CWC27: variants seen among roughly 807,000 people sequenced by gnomAD.
The protein encoded by CWC27 is spliceosome-associated protein CWC27 homolog.
Under a neutral mutation model 63.6 loss-of-function variants are expected in CWC27, and 47 were observed. The ratio of observed to expected loss-of-function variants is 0.74; its 90% CI spans 0.58 to 0.94. The LOEUF (loss-of-function observed/expected upper bound fraction) is 0.94. Ranked by LOEUF, CWC27 falls within the 40% of genes least tolerant of loss-of-function variation. The pLI is 0.00. For synonymous variants in CWC27, 175 were observed against 179.8 expected (o/e 0.97, Z 0.22); for missense variants, 495 against 554.3 (o/e 0.89, Z 1.07).
chr5:64,985,754 A>G (rs2112453737), intron 13 of CWC27, among the ~76,000 whole-genome samples: 1 of 152,170 alleles, frequency 6.6e-6, no homozygotes, highest in Middle Eastern at 3.4e-3. Flanking sequence ...TTTTTGCTCT[A>G]CTGCTCTGGC....
At chr5:64,917,709 A>C (rs1321295031) in intron 11 of CWC27, among the ~76,000 whole-genome samples, 1 of 152,132 alleles carries the variant, frequency 6.6e-6, no homozygotes, top group Non-Finnish European at 1.5e-5. Flanking sequence ...TTGAACTGGG[A>C]CATTTGTTTC....
intron 11 of CWC27, among the ~76,000 whole-genome samples, chr5:64,953,984 T>TA (rs1314683736): frequency 1.3e-5 from 2 of 152,220 alleles, no homozygotes; most frequent in Non-Finnish European, 2.9e-5. Context: ...CATTTTCCAC[T>TA]AAAAAATTCC....
At chr5:64,774,574 T>G (rs1189837898) in intron 1 of CWC27, 117 bp from the exon 2 acceptor site, 1 of 537,032 alleles carries the variant, frequency 1.9e-6, no homozygotes, top group African/African-American at 2.0e-5. Context: ...CCAAACACAA[T>G]TTTTAATATT....
chr5:64,972,962 C>T (rs1485039420), intron 12 of CWC27, among the ~76,000 whole-genome samples: 2 of 152,082 alleles, frequency 1.3e-5, no homozygotes, highest in Non-Finnish European at 2.9e-5. Context: ...AACAGAGGGG[C>T]CTTACATGGC....
chr5:64,931,086 C>T (rs1580733028), intron 11 of CWC27, among the ~76,000 whole-genome samples: 2 of 152,176 alleles, frequency 1.3e-5, no homozygotes, highest in East Asian at 3.9e-4. Flanking sequence ...GGTTGGGGAA[C>T]TTGACACAAT....
At chr5:64,825,464 T>C (rs1745333205) in intron 10 of CWC27, among the ~76,000 whole-genome samples, 1 of 152,206 alleles carries the variant, frequency 6.6e-6, no homozygotes, top group South Asian at 2.1e-4. Flanking sequence ...CCTTGAGATA[T>C]ATGTTTACAT....
chr5:64,983,520 G>T (rs1749365205), intron 13 of CWC27, among the ~76,000 whole-genome samples: 1 of 152,218 alleles, frequency 6.6e-6, no homozygotes, highest in African/African-American at 2.4e-5. Context: ...TGGTCATTGA[G>T]TGTGTAATGA....
At chr5:64,868,983 A>G (rs922804947) in intron 10 of CWC27, among the ~76,000 whole-genome samples, 4 of 152,034 alleles carry the variant, frequency 2.6e-5, no homozygotes, top group African/African-American at 9.7e-5. Flanking sequence ...TGAGGATTCA[A>G]TGAGAAGGTA....
At chr5:64,940,132 G>A (rs1280346578) in intron 11 of CWC27, among the ~76,000 whole-genome samples, 3 of 152,104 alleles carry the variant, frequency 2.0e-5, no homozygotes, top group South Asian at 2.1e-4. Context: ...GAACAGTTCT[G>A]TCTCACTGGC....
intron 13 of CWC27, among the ~76,000 whole-genome samples, chr5:65,003,798 C>T (rs556298605): frequency 6.6e-6 from 1 of 151,150 alleles, no homozygotes; most frequent in South Asian, 2.1e-4. Flanking sequence ...TTATATGTGA[C>T]TTGATGCTTT....
chr5:64,817,379 A>C (rs1010195328), intron 10 of CWC27, among the ~76,000 whole-genome samples: 5 of 152,148 alleles, frequency 3.3e-5, no homozygotes, highest in African/African-American at 1.2e-4. Context: ...AATTTGCTTG[A>C]CTTTCATAAA....
chr5:64,852,442 A>C (rs1008219157), intron 10 of CWC27, among the ~76,000 whole-genome samples: 3 of 151,878 alleles, frequency 2.0e-5, no homozygotes, highest in Non-Finnish European at 4.4e-5. Context: ...AGAGCCAAAC[A>C]GTGTTTTCAG....
intron 3 of CWC27, among the ~76,000 whole-genome samples, chr5:64,782,570 T>C (rs1333915575): frequency 1.3e-5 from 1 of 74,396 alleles, no homozygotes; most frequent in Non-Finnish European, 4.0e-5. Context: ...GTTAATGTCA[T>C]AGTGAAGATA....
At chr5:65,000,858 G>C (rs1237900686) in intron 13 of CWC27, among the ~76,000 whole-genome samples, 1 of 151,992 alleles carries the variant, frequency 6.6e-6, no homozygotes, top group South Asian at 2.1e-4. Flanking sequence ...CTATTTGTAT[G>C]AAGAATGTCA....
At chr5:64,975,828 G>C (rs1309863277) in intron 12 of CWC27, among the ~76,000 whole-genome samples, 1 of 152,176 alleles carries the variant, frequency 6.6e-6, no homozygotes, top group African/African-American at 2.4e-5. Flanking sequence ...ACTTTGGGAG[G>C]CCAAGGCGTG....
intron 13 of CWC27, among the ~76,000 whole-genome samples, chr5:65,010,839 G>C (rs1485828222): frequency 6.6e-6 from 1 of 152,096 alleles, no homozygotes; most frequent in Non-Finnish European, 1.5e-5. Context: ...CTTTTCTCTG[G>C]CATTATCATG....
intron 10 of CWC27, among the ~76,000 whole-genome samples, chr5:64,822,667 A>G (rs1039254945): frequency 6.6e-6 from 1 of 152,180 alleles, no homozygotes; most frequent in African/African-American, 2.4e-5. Flanking sequence ...AATACAACTC[A>G]TTTTGCTTTA....
intron 11 of CWC27, among the ~76,000 whole-genome samples, chr5:64,927,217 G>A (rs1748133873): frequency 6.6e-6 from 1 of 152,122 alleles, no homozygotes; most frequent in South Asian, 2.1e-4. Flanking sequence ...CTAAAATAGG[G>A]AAAAATCAAG....
chr5:65,011,625 T>A (rs1749958737), intron 13 of CWC27, among the ~76,000 whole-genome samples: 1 of 152,228 alleles, frequency 6.6e-6, no homozygotes, highest in African/African-American at 2.4e-5. Flanking sequence ...GAATTTTGGG[T>A]TTCCTTGTGT....
Sources: gnomAD v4.1 joint callset for allele counts (sites outside exome capture counted in the v4.1 genomes callset) on GRCh38, gnomAD v4.1.1 for gene constraint, MANE v1.5 for transcripts, NCBI Gene and HGNC (gene_info 2026-07-23, HGNC 2026-07-21) for gene names.